Variants in CFAP57 observed in about 807,000 individuals in gnomAD.
CFAP57 encodes cilia and flagella associated protein 57.
Under a neutral mutation model 146.8 loss-of-function variants are expected in CFAP57, and 116 were observed. The ratio of observed to expected loss-of-function variants is 0.79; its 90% CI spans 0.68 to 0.92. The LOEUF (loss-of-function observed/expected upper bound fraction) is 0.92. CFAP57 is among the 40% of genes least tolerant of loss of function. The pLI, the probability that CFAP57 is intolerant of heterozygous loss-of-function variation, is 0.00. For synonymous variants in CFAP57, 518 were observed against 552.8 expected (o/e 0.94, Z 0.88); for missense variants, 1,377 against 1,527.2 (o/e 0.90, Z 1.64).
Position 43,185,259 on chromosome 1 carries a change from A to G in CFAP57, c.872A>G (p.Tyr291Cys), listed in dbSNP as rs755547772. The change falls in exon 5 of 23, where the codon TAT (tyrosine) becomes TGT (cysteine). Residue 291 changes from tyrosine (Y) to cysteine (C), a missense_variant. Physicochemically the swap from Tyr to Cys is radical, Grantham distance 194 (BLOSUM62 -2). Coordinates refer to ENST00000372492, the MANE Select transcript of CFAP57 (RefSeq NM_001378189.1). The part of the protein sequence containing the change: ...SMPQVFAIAA[Y>C]SKGFACSAGP... ...CCCCAGGTGTTTGCCATTGCAGCCT[A>G]TTCAAAGGGATTTGCCTGTTCTGCT... 6.2e-7 allele frequency: 1 copy of G among 1,614,168 alleles called. No homozygotes were observed. The highest frequency in any genetic ancestry group is 8.5e-7 in the Non-Finnish European group (1 of 1,180,026).
intron 19 of CFAP57, among the ~76,000 whole-genome samples, chr1:43,232,885 C>T (rs1219666541): frequency 6.6e-6 from 1 of 152,206 alleles, no homozygotes; most frequent in African/African-American, 2.4e-5. Flanking sequence ...ATATTTGTAG[C>T]ATTTGGCTTC....
At chr1:43,186,433 A>G (rs1643099846) in intron 5 of CFAP57, among the ~76,000 whole-genome samples, 1 of 151,948 alleles carries the variant, frequency 6.6e-6, no homozygotes, top group Admixed American at 6.6e-5. Context: ...AACGCGGTGA[A>G]ACCCTGTCTC....
intron 9 of CFAP57, among the ~76,000 whole-genome samples, chr1:43,205,930 T>C (rs1433429755): frequency 6.6e-6 from 1 of 152,184 alleles, no homozygotes; most frequent in African/African-American, 2.4e-5. Flanking sequence ...GAGTAGATTT[T>C]CTTGAATAAA....
chr1:43,229,712 G>A (rs1645394195), intron 18 of CFAP57, among the ~76,000 whole-genome samples: 1 of 148,630 alleles, frequency 6.7e-6, no homozygotes, highest in South Asian at 2.2e-4. Context: ...CTAGGGCAGG[G>A]TTTCTCAAGC....
At chr1:43,232,036 A>T in intron 18 of CFAP57, 1 of 698,298 alleles carries the variant, frequency 1.4e-6, no homozygotes, top group Non-Finnish European at 2.6e-6. Context: ...TGGTGCCCAC[A>T]TGTTGGTCCC....
chr1:43,183,411 A>G (rs1645499234), intron 3 of CFAP57, among the ~76,000 whole-genome samples, 180 bp from the exon 4 acceptor site: 1 of 152,192 alleles, frequency 6.6e-6, no homozygotes, highest in East Asian at 1.9e-4. Context: ...TCATATCCCT[A>G]TAAATATAAT....
rs2764421 is a variant in CFAP57, at chr1:43,201,181, G to A, written c.1542+1678G>A. On this transcript the variant is annotated intron_variant, in intron 9 of 22. Coordinates refer to ENST00000372492, the MANE Select transcript of CFAP57 (RefSeq NM_001378189.1). The surrounding 1 kb of genome is among the most constrained non-coding windows in gnomAD (Gnocchi z 4.4). ...CAGAGGCATAGATTAGATCACCAAG[G>A]GCCTATGTAGAATCTGAGAAGAATA... Among the ~76,000 whole-genome samples, 7,794 of 152,146 alleles carry A rather than the reference G, an allele frequency of 0.051. 249 individuals are homozygous for A. Among genetic ancestry groups the A allele is most frequent in the Middle Eastern group, 0.092 (27 of 294 alleles).
At chr1:43,242,064 T>A (rs1645946467) in intron 21 of CFAP57, among the ~76,000 whole-genome samples, 1 of 152,212 alleles carries the variant, frequency 6.6e-6, no homozygotes, top group South Asian at 2.1e-4. Context: ...TCACTCTGCA[T>A]TCCAGTGATG....
At chr1:43,204,469 C>T (rs993223413) in intron 9 of CFAP57, among the ~76,000 whole-genome samples, 2 of 151,992 alleles carry the variant, frequency 1.3e-5, no homozygotes, top group Non-Finnish European at 2.9e-5. Flanking sequence ...TATATTGTAG[C>T]AGTTCTGAAT....
chr1:43,203,497 T>A (rs550681209), intron 9 of CFAP57, among the ~76,000 whole-genome samples: 4 of 152,234 alleles, frequency 2.6e-5, no homozygotes, highest in African/African-American at 9.6e-5. Context: ...AGTCTTGCTG[T>A]GTCACCAGGC....
chr1:43,190,343 T>C (rs1375058756), intron 6 of CFAP57, among the ~76,000 whole-genome samples: 1 of 142,090 alleles, frequency 7.0e-6, no homozygotes, highest in Non-Finnish European at 1.5e-5. Flanking sequence ...CAATCTTGGC[T>C]CACTGCAAGC....
At position 43,183,886 on chromosome 1, in the gene CFAP57, G is replaced by C; in HGVS notation, c.761+9G>C. The C allele has an allele frequency of 6.2e-7, 1 of 1,613,458 alleles. No homozygotes were observed. On this transcript the variant is annotated intron_variant, in intron 4 of 22. Transcript: ENST00000372492. ...ATTCAGGAATCAGAGAGGTAATGGT[G>C]CTTCCTGGGCTGGTGCTCCCACATT...
chr1:43,240,230 C>T (rs1301061814), intron 21 of CFAP57, among the ~76,000 whole-genome samples: 1 of 152,060 alleles, frequency 6.6e-6, no homozygotes, highest in African/African-American at 2.4e-5. Flanking sequence ...TTAGGTCTTC[C>T]ATGTGGGGCA....
chr1:43,213,392 C>T (rs551379213), intron 11 of CFAP57, among the ~76,000 whole-genome samples: 7 of 152,202 alleles, frequency 4.6e-5, no homozygotes, highest in African/African-American at 1.2e-4. Flanking sequence ...TCATTTTTTA[C>T]GGCCAAATAG....
Position 43,172,861 on chromosome 1 carries a change from T to C in CFAP57, c.108T>C (p.Asn36=), listed in dbSNP as rs1203755832. Residue 36 remains asparagine, a synonymous_variant, in exon 2 of 23, where the codon AAT becomes AAC. Transcript: ENST00000372492. ...DEQIIIFPSG[N]HCVKYNVDQK... Reference sequence around the variant, plus strand: ...AGATCATTATATTTCCTTCAGGAAATCACTGTGTGAAGTACAATGTGGATC... The same window carrying C: ...AGATCATTATATTTCCTTCAGGAAACCACTGTGTGAAGTACAATGTGGATC... The C allele has an allele frequency of 1.2e-6, 2 of 1,614,072 alleles. No homozygotes were observed. The highest frequency in any genetic ancestry group is 2.7e-5 in the African/African-American group (2 of 74,926).
chr1:43,207,432 GTA>G (rs1644404217), intron 10 of CFAP57, among the ~76,000 whole-genome samples: 7 of 152,228 alleles, frequency 4.6e-5, no homozygotes, highest in Admixed American at 4.6e-4. Context: ...GTTGCCTACA[GTA>G]TTCAGCATAG....
At chr1:43,240,927 T>G (rs1054117295) in intron 21 of CFAP57, among the ~76,000 whole-genome samples, 9 of 152,128 alleles carry the variant, frequency 5.9e-5, no homozygotes, top group Non-Finnish European at 1.2e-4. Flanking sequence ...CTCCGCCTCC[T>G]GGGTTCATGC....
chr1:43,185,155 T>C lies in CFAP57; in HGVS notation c.768T>C (p.Ile256=). The C allele has an allele frequency of 6.2e-7, 1 of 1,614,124 alleles. No individual in the cohort carries two copies. Among genetic ancestry groups the C allele is most frequent in the Non-Finnish European group, 8.5e-7 (1 of 1,180,022 alleles). ...GCTGTTTTTTTGTTTCCAGCCTGAT[T>C]GAATTTCCACCAGTCAGTTCTCCAC... The part of the protein sequence containing the change: ...LDVIQESESL[I]EFPPVSSPLP... Residue 256 remains isoleucine (I), a synonymous_variant, in exon 5 of 23, where the codon ATT becomes ATC. Coordinates refer to ENST00000372492, the MANE Select transcript of CFAP57 (RefSeq NM_001378189.1).
chr1:43,246,065 G>A (rs1229868116), intron 22 of CFAP57, among the ~76,000 whole-genome samples: 1 of 152,156 alleles, frequency 6.6e-6, no homozygotes, highest in East Asian at 1.9e-4. Flanking sequence ...AGTAAGTGGT[G>A]GATTGGAAGA....
Sources: allele counts gnomAD v4.1 joint callset (sites outside exome capture counted in the v4.1 genomes callset), GRCh38; gene constraint gnomAD v4.1.1; non-coding constraint Gnocchi (gnomAD v3.1); transcripts MANE v1.5; gene names NCBI Gene and HGNC (gene_info 2026-07-23, HGNC 2026-07-21).